DOCK3: variants seen among roughly 807,000 people sequenced by gnomAD.
The protein encoded by DOCK3 is dedicator of cytokinesis 3, also known as dedicator of cytokinesis protein 3.
A neutral mutation model predicts 265.6 loss-of-function variants in DOCK3; 60 were observed. The observed-to-expected ratio is 0.23, with a 90% confidence interval of 0.18 to 0.28. DOCK3 has a LOEUF of 0.28. Among genes scored for constraint, DOCK3 ranks in the 10% least tolerant of loss-of-function variants. The pLI is 1.00. For synonymous variants in DOCK3, 881 were observed against 938.0 expected, an observed-to-expected ratio of 0.94 and a Z score of 1.11; for missense variants, 1,981 against 2,594.3, an observed-to-expected ratio of 0.76 and a Z score of 5.14.
chr3:51,094,375 A>G (rs1560052943), intron 9 of DOCK3, among the ~76,000 whole-genome samples: 1 of 151,506 alleles, frequency 6.6e-6, no homozygotes, highest in Non-Finnish European at 1.5e-5. Context: ...TAGGGATTCG[A>G]CTTCTTCTGG....
chr3:51,278,122 C>T, intron 26 of DOCK3: 1 of 985,406 alleles, frequency 1.0e-6, no homozygotes, highest in Non-Finnish European at 1.2e-6. Context: ...TACAGGTTCT[C>T]CTAAATGATG....
intron 12 of DOCK3, among the ~76,000 whole-genome samples, chr3:51,200,828 G>A (rs1438893847): frequency 6.6e-6 from 1 of 152,232 alleles, no homozygotes; most frequent in East Asian, 1.9e-4. Flanking sequence ...CGGATCTCTT[G>A]GCAGAAACTC....
chr3:51,021,663 T>TTTTTA (rs1426537567), intron 5 of DOCK3, among the ~76,000 whole-genome samples: 1 of 150,346 alleles, frequency 6.7e-6, no homozygotes, highest in East Asian at 2.0e-4. Context: ...AGAACTTCCT[T>TTTTTA]TTTTTTTTTT....
At chr3:51,094,143 G>T (rs2082737997) in intron 9 of DOCK3, among the ~76,000 whole-genome samples, 1 of 152,068 alleles carries the variant, frequency 6.6e-6, no homozygotes, top group Non-Finnish European at 1.5e-5. Flanking sequence ...TTTTTGTTGT[G>T]TCTCTGCCAG....
intron 1 of DOCK3, among the ~76,000 whole-genome samples, chr3:50,752,688 G>T (rs2039908723): frequency 6.6e-6 from 1 of 152,024 alleles, no homozygotes; most frequent in African/African-American, 2.4e-5. Context: ...TGAAGCAGGA[G>T]AATCATTTGA....
chr3:51,064,842 G>A (rs570329069), intron 6 of DOCK3, among the ~76,000 whole-genome samples: 1 of 152,200 alleles, frequency 6.6e-6, no homozygotes, highest in South Asian at 2.1e-4. Context: ...GTAAATAATA[G>A]GACTAGATTA....
rs977038833 is a variant in DOCK3, at chr3:50,675,080, C to T, written c.-184C>T. 12 of 227,884 alleles carry T rather than the reference C, an allele frequency of 5.3e-5. No individual in the cohort carries two copies. Among genetic ancestry groups the T allele is most frequent in the African/African-American group, 2.6e-4 (11 of 42,544 alleles). 14.1% of individuals were successfully genotyped at this position (227,884 alleles called of 1,614,324 possible). On this transcript the variant is annotated 5_prime_UTR_variant, in exon 1 of 53. Coordinates refer to ENST00000266037, the MANE Select transcript of DOCK3 (RefSeq NM_004947.5). This position sits in a 1 kb window ranked among gnomAD's most constrained non-coding sequence, Gnocchi z 6.1. ...CTGCTGGGCCACCCGCGGAGCCTCG[C>T]GGTCCAGACGTGGCGGGGGTGGCGG...
rs930550880 is a variant in DOCK3, at chr3:51,122,894, T to C, written c.747-23655T>C. ...ACTTTGATACTCTCTCCTTAGAAGATTGCATGCGCACACAGACACATAATC... is the reference window on the plus strand; with the variant it reads ...ACTTTGATACTCTCTCCTTAGAAGACTGCATGCGCACACAGACACATAATC... On this transcript the variant is annotated intron_variant, in intron 9 of 52. Transcript: ENST00000266037. 3.9e-5 allele frequency among the ~76,000 whole-genome samples: 6 copies of C among 152,190 alleles called. No individual in the cohort carries two copies. In the South Asian group the frequency reaches 1.2e-3, roughly 32 times the overall value.
At chr3:50,737,763 T>C (rs558244370) in intron 1 of DOCK3, among the ~76,000 whole-genome samples, 110 of 152,374 alleles carry the variant, frequency 7.2e-4, no homozygotes, top group African/African-American at 2.6e-3. Context: ...TTCTTTTTCA[T>C]GGAGTCTCTT....
intron 2 of DOCK3, chr3:50,786,729 G>A: frequency 1.4e-6 from 1 of 718,476 alleles, no homozygotes; most frequent in Non-Finnish European, 2.7e-6. Context: ...GTTTTCATGT[G>A]TTCATGAAAA....
In DOCK3 at chr3:50,675,256, G is replaced by C; in HGVS notation, c.-8G>C. On this transcript the variant is annotated 5_prime_UTR_variant, in exon 1 of 53. Transcript: ENST00000266037. The surrounding 1 kb of genome is among the most constrained non-coding windows in gnomAD (Gnocchi z 6.1). ...CGCCGCGCCCGCGGGGCCGCGCCCGGCACGGCCATGTGGACCCCCACGGAG... is the reference window on the plus strand; with the variant it reads ...CGCCGCGCCCGCGGGGCCGCGCCCGCCACGGCCATGTGGACCCCCACGGAG... 1 of 1,215,934 alleles carries C rather than the reference G, an allele frequency of 8.2e-7. No homozygotes were observed. Among genetic ancestry groups the C allele is most frequent in the South Asian group, 3.1e-5 (1 of 31,844 alleles). The allele number at this position is 1,215,934 out of a possible 1,614,324, so 75.3% of individuals were successfully genotyped here. A position where few individuals can be genotyped will look rare whatever the true frequency, so the allele number is the denominator to read the frequency against.
In DOCK3 at chr3:51,275,088, G is replaced by A. The variant is rs771303217; in HGVS notation, c.2558G>A (p.Arg853His). 1.9e-6 allele frequency: 3 copies of A among 1,613,830 alleles called. No homozygotes were observed. The highest frequency in any genetic ancestry group is 2.2e-5 in the South Asian group (2 of 91,070). The change falls in exon 25 of 53, where the codon CGC becomes CAC. Residue 853 changes from arginine (R) to histidine (H), a missense_variant. Coordinates refer to ENST00000266037, the MANE Select transcript of DOCK3 (RefSeq NM_004947.5). ...GTATTTTCTCTCCCAGAATCCCGCC[G>A]CATCCTGCTTCCTGTGGTTCTCCAT... ...SRLFSFSESR[R>H]ILLPVVLHHI...
At chr3:50,771,358 T>C (rs1016568979) in intron 1 of DOCK3, among the ~76,000 whole-genome samples, 1 of 152,176 alleles carries the variant, frequency 6.6e-6, no homozygotes, top group Non-Finnish European at 1.5e-5. Context: ...CTCAACATCA[T>C]TGATCATCAG....
intron 50 of DOCK3, 50 bp from the exon 51 acceptor site, chr3:51,375,698 G>C: frequency 6.2e-7 from 1 of 1,606,954 alleles, no homozygotes; most frequent in Non-Finnish European, 8.5e-7. Context: ...TGCCTCCCAA[G>C]ATATAATTGG....
At chr3:50,833,616 C>A (rs1447077569) in intron 2 of DOCK3, among the ~76,000 whole-genome samples, 1 of 152,114 alleles carries the variant, frequency 6.6e-6, no homozygotes, top group Non-Finnish European at 1.5e-5. Context: ...CAGGAATTGA[C>A]ATTCTTTACC....
At chr3:51,010,687 G>A (rs960996113) in intron 5 of DOCK3, among the ~76,000 whole-genome samples, 15 of 152,254 alleles carry the variant, frequency 9.9e-5, no homozygotes, top group East Asian at 1.9e-4. Flanking sequence ...TATTTTGCTC[G>A]TTAGTTGATG....
chr3:50,848,472 A>G (rs1350907368), intron 3 of DOCK3, among the ~76,000 whole-genome samples: 1 of 152,212 alleles, frequency 6.6e-6, no homozygotes, highest in African/African-American at 2.4e-5. Flanking sequence ...GATCTCCTGT[A>G]AGCCTGGACT....
At chr3:51,346,178 A>G (rs1287064901) in intron 38 of DOCK3, among the ~76,000 whole-genome samples, 2 of 152,176 alleles carry the variant, frequency 1.3e-5, no homozygotes, top group African/African-American at 2.4e-5. Flanking sequence ...TCTAGGGTAC[A>G]TGTGCACAAT....
At chr3:50,719,526 T>A in intron 1 of DOCK3, 1 of 1,094,010 alleles carries the variant, frequency 9.1e-7, no homozygotes, top group Non-Finnish European at 1.4e-6. Flanking sequence ...TCACTGGTCT[T>A]GCCGTTTCTG....
Sources: allele counts gnomAD v4.1 joint callset (sites outside exome capture counted in the v4.1 genomes callset), GRCh38; gene constraint gnomAD v4.1.1; non-coding constraint Gnocchi (gnomAD v3.1); transcripts MANE v1.5; gene names NCBI Gene and HGNC (gene_info 2026-07-23, HGNC 2026-07-21).